Variants in CNTN2 observed in about 807,000 individuals in gnomAD.
CNTN2 encodes the protein contactin 2.
CNTN2 carries 53 observed loss-of-function variants against 117.5 expected under a neutral mutation model. That is an observed-to-expected ratio of 0.45 (90% CI 0.36 to 0.57). The LOEUF is 0.57. CNTN2 is among the 20% of genes least tolerant of loss of function. The probability of loss-of-function intolerance (pLI) is 0.00; values close to 1 mark genes in which losing one functional copy is unlikely to be tolerated. For synonymous variants in CNTN2, 530 were observed against 561.7 expected (o/e 0.94, Z 0.80); for missense variants, 1,106 against 1,404.3 (o/e 0.79, Z 3.39).
At position 205,074,922 on chromosome 1, in the gene CNTN2, G is replaced by C. The variant is rs1050965697; in HGVS notation, c.*1157G>C. 3 of 398,490 alleles carry C rather than the reference G, an allele frequency of 7.5e-6. No homozygotes were observed. Among genetic ancestry groups the C allele is most frequent in the African/African-American group, 6.2e-5 (3 of 48,606 alleles). 24.7% of individuals were successfully genotyped at this position (398,490 alleles called of 1,614,324 possible). A position where few individuals can be genotyped will look rare whatever the true frequency, so the allele number is the denominator to read the frequency against. ...CTTGGACTGCTTGCATTTCCCCGGAGAAAAAGGGGTTAATAAATGGGCCAT... is the reference window on the plus strand; with the variant it reads ...CTTGGACTGCTTGCATTTCCCCGGACAAAAAGGGGTTAATAAATGGGCCAT... On this transcript the variant is annotated 3_prime_UTR_variant, in exon 23 of 23. Transcript: ENST00000331830.
At position 205,064,360 on chromosome 1, in the gene CNTN2, C is replaced by T; in HGVS notation, c.1279C>T (p.Leu427=). Reference sequence around the variant, plus strand: ...CTTCAGGCTGAATCCCGTGAGGCGTCTGATCCCCGCGGCCCGCGGGGGAGA... The same window carrying T: ...CTTCAGGCTGAATCCCGTGAGGCGTTTGATCCCCGCGGCCCGCGGGGGAGA... ...PDFRLNPVRR[L]IPAARGGEIL... The change falls in exon 11 of 23, where the codon CTG becomes TTG. Residue 427 remains leucine (L), a synonymous_variant. Transcript: ENST00000331830. 6.2e-7 allele frequency: 1 copy of T among 1,603,574 alleles called. No individual in the cohort carries two copies.
In CNTN2 at chr1:205,061,358, A is replaced by T; in HGVS notation, c.911A>T (p.Tyr304Phe). The change falls in exon 8 of 23, where the codon TAC becomes TTC. Residue 304 changes from tyrosine (Y) to phenylalanine (F), a missense_variant. Coordinates refer to ENST00000331830, the MANE Select transcript of CNTN2 (RefSeq NM_005076.5). The surrounding 1 kb of genome is among the most constrained non-coding windows in gnomAD (Gnocchi z 4.8). ...PSVSFEDEGT[Y>F]ECEAENSKGR... ...GTCAGCTTTGAGGATGAGGGCACCT[A>T]CGAGTGTGAGGCGGAGAACTCCAAG... is the stretch of plus-strand genomic sequence containing the variant. 6.2e-7 allele frequency: 1 copy of T among 1,613,890 alleles called. No individual in the cohort carries two copies. Among genetic ancestry groups the T allele is most frequent in the Non-Finnish European group, 8.5e-7 (1 of 1,179,904 alleles).
At chr1:205,049,474 G>A (rs1379579983) in intron 1 of CNTN2, among the ~76,000 whole-genome samples, 1 of 151,832 alleles carries the variant, frequency 6.6e-6, no homozygotes, top group African/African-American at 2.4e-5. Flanking sequence ...TTACATCCAC[G>A]CACACTGGGA....
Position 205,061,786 on chromosome 1 carries a change from G to A in CNTN2, c.974-79G>A. 1 of 1,470,720 alleles carries A rather than the reference G, an allele frequency of 6.8e-7. No individual in the cohort carries two copies. Among genetic ancestry groups the A allele is most frequent in the Non-Finnish European group, 9.0e-7 (1 of 1,105,548 alleles). The allele number at this position is 1,470,720 out of a possible 1,614,324, so 91.1% of individuals were successfully genotyped here. ...TCTGCTGTCTGGCACAGGTGCTGCT[G>A]CCCTGATTTTCTGTTCCTTTTAATG... is the stretch of plus-strand genomic sequence containing the variant. On this transcript the variant is annotated intron_variant, in intron 8 of 22. Transcript: ENST00000331830. The surrounding 1 kb of genome is among the most constrained non-coding windows in gnomAD (Gnocchi z 4.8).
In CNTN2 at chr1:205,061,405, C is replaced by T. The variant is rs759368493; in HGVS notation, c.958C>T (p.Arg320Cys). Residue 320 changes from arginine (R) to cysteine (C), a missense_variant, in exon 8 of 23, where the codon CGC (arginine) becomes TGC (cysteine). By Grantham distance (180) the Arg-to-Cys change is radical. Coordinates refer to ENST00000331830, the MANE Select transcript of CNTN2 (RefSeq NM_005076.5). The surrounding 1 kb of genome is among the most constrained non-coding windows in gnomAD (Gnocchi z 4.8). ...NSKGRDTVQG[R>C]IIVQAQPEWL... ...CAAGGGCCGAGACACCGTGCAGGGCCGCATCATCGTGCAGGGTACAGAGCC... is the reference window on the plus strand; with the variant it reads ...CAAGGGCCGAGACACCGTGCAGGGCTGCATCATCGTGCAGGGTACAGAGCC... 10 of 1,611,480 alleles carry T rather than the reference C, an allele frequency of 6.2e-6. No homozygotes were observed. Among genetic ancestry groups the T allele is most frequent in the East Asian group, 4.5e-5 (2 of 44,788 alleles).
Position 205,064,656 on chromosome 1 carries a change from A to G in CNTN2, c.1425A>G (p.Ile475Met), listed in dbSNP as rs149065585. The change falls in exon 12 of 23, where the codon ATA (isoleucine) becomes ATG (methionine). Residue 475 changes from isoleucine to methionine, a missense_variant. Coordinates refer to ENST00000331830, the MANE Select transcript of CNTN2 (RefSeq NM_005076.5). ...TAACTCCAGATGGCACCTTGATCAT[A>G]AGAAACATCAGCCGGTCAGATGAAG... ...VTVTPDGTLI[I>M]RNISRSDEGK... The G allele has an allele frequency of 2.4e-5, 39 of 1,614,058 alleles. 1 individual carries two copies. The South Asian group carries it at 3.3e-4, about 14-fold the overall frequency.
chr1:205,059,286 T>A lies in CNTN2; in HGVS notation c.690T>A (p.Ala230=), dbSNP rs1182147073. ...VFSKFAQLNL[A]AEDTRLFAPS... is the part of the protein sequence containing the mutation. ...GCAAGTTTGCTCAGCTCAACCTGGC[T>A]GCTGAAGGTCAGGCTTGGCCAGGCG... Residue 230 remains alanine (A), a synonymous_variant, in exon 6 of 23, where the codon GCT becomes GCA. Transcript: ENST00000331830. The surrounding 1 kb of genome is among the most constrained non-coding windows in gnomAD (Gnocchi z 5.6). 6.2e-7 allele frequency: 1 copy of A among 1,613,700 alleles called. No individual in the cohort carries two copies. Among genetic ancestry groups the A allele is most frequent in the Non-Finnish European group, 8.5e-7 (1 of 1,179,858 alleles).
intron 11 of CNTN2, 25 bp downstream of exon 11, chr1:205,064,497 C>T (rs186457175): frequency 1.3e-6 from 2 of 1,596,930 alleles, no homozygotes; most frequent in Non-Finnish European, 1.7e-6. Flanking sequence ...CCACCCTGCA[C>T]AGTTCCTGCT....
At chr1:205,064,533 T>C (rs1347380440) in intron 11 of CNTN2, 61 bp downstream of exon 11, 6 of 1,594,798 alleles carry the variant, frequency 3.8e-6, no homozygotes, top group Non-Finnish European at 5.1e-6. Context: ...TGGAGGCCAA[T>C]TCCCCTCCTG....
chr1:205,072,432 G>A (rs540591860), intron 20 of CNTN2, 51 bp from the exon 21 acceptor site: 43 of 1,492,040 alleles, frequency 2.9e-5, no homozygotes, highest in South Asian at 1.7e-4. Flanking sequence ...GAGGGGGTGC[G>A]GGGTGCCAGG....
chr1:205,073,439 G>A lies in CNTN2; in HGVS notation c.3013+203G>A. ...CCCCCAGAACATCCCCGAGGGCCAG[G>A]GAAGGGCGCAGGGTGCAGGGGGAGG... On this transcript the variant is annotated intron_variant, in intron 22 of 22. Transcript: ENST00000331830. The surrounding 1 kb of genome is among the most constrained non-coding windows in gnomAD (Gnocchi z 6.3). The A allele has an allele frequency of 1.3e-6, 1 of 772,056 alleles. No homozygotes were observed. The highest frequency in any genetic ancestry group is 2.0e-6 in the Non-Finnish European group (1 of 489,858). The allele number at this position is 772,056 out of a possible 1,614,324, so 47.8% of individuals were successfully genotyped here. A position where few individuals can be genotyped will look rare whatever the true frequency, so the allele number is the denominator to read the frequency against.
At chr1:205,063,956 G>A (rs1220821123) in intron 10 of CNTN2, among the ~76,000 whole-genome samples, 2 of 152,114 alleles carry the variant, frequency 1.3e-5, no homozygotes, top group Admixed American at 6.6e-5. Context: ...GGGATAGAGT[G>A]GAGCAAGATG....
At chr1:205,044,088 T>TC (rs1393660307) in intron 1 of CNTN2, among the ~76,000 whole-genome samples, 2 of 151,312 alleles carry the variant, frequency 1.3e-5, no homozygotes, top group East Asian at 3.9e-4. Flanking sequence ...TCTCCTCAAA[T>TC]CCCTCCCCCC....
At position 205,061,085 on chromosome 1, in the gene CNTN2, A is replaced by G. The variant is rs1433032685; in HGVS notation, c.798-160A>G. 1.2e-5 allele frequency: 9 copies of G among 745,314 alleles called. No homozygotes were observed. Among genetic ancestry groups the G allele is most frequent in the Non-Finnish European group, 1.7e-5 (8 of 474,474 alleles). The allele number at this position is 745,314 out of a possible 1,614,324, so 46.2% of individuals were successfully genotyped here. A position where few individuals can be genotyped will look rare whatever the true frequency, so the allele number is the denominator to read the frequency against. On this transcript the variant is annotated intron_variant, in intron 7 of 22. Transcript: ENST00000331830. The surrounding 1 kb of genome is among the most constrained non-coding windows in gnomAD (Gnocchi z 4.8). The stretch of plus-strand genomic sequence containing the variant: ...TGCGTGTGCTCCGAGCCTACCTGGG[A>G]GAGGAGAGTGAGGATCAGCCAGAAG...
rs1360460891 is a variant in CNTN2, at chr1:205,076,339, G to C, written c.*2574G>C. The C allele has an allele frequency of 6.6e-6, 1 of 152,190 alleles. No individual in the cohort carries two copies. Among genetic ancestry groups the C allele is most frequent in the Non-Finnish European group, 1.5e-5 (1 of 68,038 alleles). The allele number at this position is 152,190 out of a possible 1,614,324, so 9.4% of individuals were successfully genotyped here. A position where few individuals can be genotyped will look rare whatever the true frequency, so the allele number is the denominator to read the frequency against. The stretch of plus-strand genomic sequence containing the variant: ...CTGAGGACATGCAAGCTTGTAAAAT[G>C]CAACAGCCTCCTGCTAGAGTGACTT... On this transcript the variant is annotated 3_prime_UTR_variant, in exon 23 of 23. Coordinates refer to ENST00000331830, the MANE Select transcript of CNTN2 (RefSeq NM_005076.5).
chr1:205,073,781 C>T lies in CNTN2; in HGVS notation c.*16C>T, dbSNP rs369974485. ...GGAGCTCTGATCCTGGAACCCCTCC[C>T]TCTGCGCCGCAGCTGGACGCCACCT... On this transcript the variant is annotated 3_prime_UTR_variant, in exon 23 of 23. Coordinates refer to ENST00000331830, the MANE Select transcript of CNTN2 (RefSeq NM_005076.5). This position sits in a 1 kb window ranked among gnomAD's most constrained non-coding sequence, Gnocchi z 6.3. The T allele has an allele frequency of 6.9e-6, 11 of 1,599,914 alleles. No individual in the cohort carries two copies. In the African/African-American group the frequency reaches 1.3e-4, roughly 19 times the overall value.
Position 205,057,948 on chromosome 1 carries a change from C to T in CNTN2, c.98C>T (p.Thr33Ile). ...SAWSSALGSQ[T>I]TFGPVFEDQP... ...TGGAGTTCAGCCCTGGGATCCCAAA[C>T]CACCTTCGGGCCTGTCTTTGAAGAC... Residue 33 changes from threonine to isoleucine, a missense_variant, in exon 3 of 23, where the codon ACC becomes ATC. Coordinates refer to ENST00000331830, the MANE Select transcript of CNTN2 (RefSeq NM_005076.5). 6.2e-7 allele frequency: 1 copy of T among 1,614,050 alleles called. No homozygotes were observed. Among genetic ancestry groups the T allele is most frequent in the Non-Finnish European group, 8.5e-7 (1 of 1,179,978 alleles).
intron 1 of CNTN2, among the ~76,000 whole-genome samples, chr1:205,044,468 G>GC (rs2096437841): frequency 6.6e-6 from 1 of 151,838 alleles, no homozygotes; most frequent in Admixed American, 6.6e-5. Flanking sequence ...TGGGGGGGGG[G>GC]GTCCAGTGAG....
chr1:205,069,657 C>T (rs1654482644), intron 17 of CNTN2, 96 bp downstream of exon 17: 1 of 1,458,464 alleles, frequency 6.9e-7, no homozygotes, highest in South Asian at 1.2e-5. Flanking sequence ...CTGACTCAAA[C>T]GCGGATAACT....
Sources: allele counts gnomAD v4.1 joint callset (sites outside exome capture counted in the v4.1 genomes callset), GRCh38; gene constraint gnomAD v4.1.1; non-coding constraint Gnocchi (gnomAD v3.1); transcripts MANE v1.5; gene names NCBI Gene and HGNC (gene_info 2026-07-23, HGNC 2026-07-21).